FAM13C: variants seen among roughly 807,000 people sequenced by gnomAD.
The protein encoded by FAM13C is family with sequence similarity 13 member C, also known as protein FAM13C.
Under a neutral mutation model 73.2 loss-of-function variants are expected in FAM13C, and 37 were observed. The observed-to-expected ratio is 0.51, with a 90% CI of 0.39 to 0.67. The LOEUF (loss-of-function observed/expected upper bound fraction) is 0.67. Among genes scored for constraint, FAM13C ranks in the 30% least tolerant of loss-of-function variants. The pLI, the probability that FAM13C is intolerant of heterozygous loss-of-function variation, is 0.00. For synonymous variants in FAM13C, 246 were observed against 260.9 expected, an observed-to-expected ratio of 0.94 and a Z score of 0.55; for missense variants, 589 against 715.6, an observed-to-expected ratio of 0.82 and a Z score of 2.02.
rs528649412 is a variant in FAM13C at position 59,333,253 on chromosome 10, G to A, written c.325-9147C>T. On this transcript the variant is annotated intron_variant, in intron 3 of 13. Transcript: ENST00000618804. ...CCTCTTACTTGCACTTTGAGAGGCC[G>A]AGGCATGCAGATCACCTGAGTTCAG... Among the ~76,000 whole-genome samples the A allele has an allele frequency of 1.1e-3, 160 of 152,206 alleles. 1 individual carries two copies. The highest frequency in any genetic ancestry group is 1.3e-3 in the Non-Finnish European group (91 of 68,006).
intron 6 of FAM13C, 77 bp from the exon 7 acceptor site, chr10:59,270,186 A>G (rs1333885109): frequency 7.2e-7 from 1 of 1,396,686 alleles, no homozygotes; most frequent in Non-Finnish European, 9.9e-7. Flanking sequence ...AATAAAGATC[A>G]TAAGCATTCA....
chr10:59,315,230 G>A (rs1042079227), intron 4 of FAM13C, among the ~76,000 whole-genome samples: 7 of 152,224 alleles, frequency 4.6e-5, no homozygotes, highest in African/African-American at 1.7e-4. Context: ...TTAATCACCT[G>A]TAATTCATCT....
rs193074671 is a variant in FAM13C, at chr10:59,271,276, C to A, written c.593-1167G>T. ...GCTTGTCCAAAATAAACACTTATCA[C>A]AATTTGGTACCAGATGAATCTTAAT... On this transcript the variant is annotated intron_variant, in intron 6 of 13. Transcript: ENST00000618804. 1.2e-4 allele frequency among the ~76,000 whole-genome samples: 19 copies of A among 152,342 alleles called. No individual in the cohort carries two copies. In the East Asian group the frequency reaches 3.5e-3, roughly 28 times the overall value.
intron 8 of FAM13C, among the ~76,000 whole-genome samples, chr10:59,264,557 G>C (rs1366305615): frequency 6.6e-6 from 1 of 152,196 alleles, no homozygotes. Context: ...TAGCACTGCA[G>C]ATGACTGCAC....
chr10:59,340,526 C>T (rs1467242158), intron 3 of FAM13C, among the ~76,000 whole-genome samples: 1 of 152,080 alleles, frequency 6.6e-6, no homozygotes, highest in Non-Finnish European at 1.5e-5. Context: ...ACACCCAGAC[C>T]CTTGTTCCTT....
At chr10:59,252,492 TATC>T (rs1197035389) in intron 12 of FAM13C, among the ~76,000 whole-genome samples, 1 of 152,004 alleles carries the variant, frequency 6.6e-6, no homozygotes, top group Non-Finnish European at 1.5e-5. Context: ...AAGGCCAAAT[TATC>T]ATGAGGAATG....
At chr10:59,361,179 G>T in intron 1 of FAM13C, 2 of 1,046,082 alleles carry the variant, frequency 1.9e-6, no homozygotes, top group Non-Finnish European at 1.3e-6. Context: ...GTCCAAATGA[G>T]TATTTTACAT....
intron 4 of FAM13C, among the ~76,000 whole-genome samples, chr10:59,310,390 C>A (rs993254507): frequency 6.6e-6 from 1 of 152,238 alleles, no homozygotes; most frequent in African/African-American, 2.4e-5. Context: ...CAGACACAGA[C>A]AAGATGCCAA....
chr10:59,292,472 G>A (rs1846372911), intron 5 of FAM13C, among the ~76,000 whole-genome samples: 1 of 152,230 alleles, frequency 6.6e-6, no homozygotes, highest in Non-Finnish European at 1.5e-5. Flanking sequence ...CTGTGTCACA[G>A]GGCAAACCAC....
chr10:59,268,806 A>G (rs1843376297), intron 7 of FAM13C, 115 bp from the exon 8 acceptor site: 1 of 1,283,102 alleles, frequency 7.8e-7, no homozygotes, highest in Non-Finnish European at 1.0e-6. Context: ...AGGGAAGTTC[A>G]TTATTTGATG....
At chr10:59,305,084 T>C (rs1848111173) in intron 4 of FAM13C, among the ~76,000 whole-genome samples, 1 of 152,154 alleles carries the variant, frequency 6.6e-6, no homozygotes, top group Non-Finnish European at 1.5e-5. Flanking sequence ...TTCTTTTCCT[T>C]ACAAATTATG....
chr10:59,297,518 G>C lies in FAM13C; in HGVS notation c.507+5283C>G, dbSNP rs566780052. On this transcript the variant is annotated intron_variant, in intron 5 of 13. Transcript: ENST00000618804. Reference sequence around the variant, plus strand: ...TGACCTGAATATTATAGGACTCAGCGACTTCCATCTGGGTTGGTTTCTTCC... The same window carrying C: ...TGACCTGAATATTATAGGACTCAGCCACTTCCATCTGGGTTGGTTTCTTCC... Among the ~76,000 whole-genome samples the C allele has an allele frequency of 1.6e-4, 24 of 152,114 alleles. No individual in the cohort carries two copies. In the South Asian group the frequency reaches 4.8e-3, roughly 30 times the overall value.
intron 8 of FAM13C, 138 bp downstream of exon 8, chr10:59,268,415 A>T (rs1360046174): frequency 5.9e-6 from 6 of 1,021,592 alleles, no homozygotes; most frequent in Non-Finnish European, 8.6e-6. Context: ...TGAAGACTCT[A>T]TGATAGGTCC....
chr10:59,255,871 G>T (rs1841902529), intron 10 of FAM13C, among the ~76,000 whole-genome samples: 1 of 152,006 alleles, frequency 6.6e-6, no homozygotes, highest in East Asian at 1.9e-4. Context: ...CCAAATAAAG[G>T]ATTCTTGAGG....
At chr10:59,305,389 G>C (rs1175237247) in intron 4 of FAM13C, among the ~76,000 whole-genome samples, 1 of 152,150 alleles carries the variant, frequency 6.6e-6, no homozygotes, top group Non-Finnish European at 1.5e-5. Flanking sequence ...TTAACTTATA[G>C]TTATTATCCT....
rs199522610 is a variant in FAM13C at position 59,352,318 on chromosome 10, G to A, written c.276C>T (p.Pro92=). The A allele has an allele frequency of 6.9e-5, 111 of 1,614,028 alleles. No individual in the cohort carries two copies. In the Middle Eastern group the frequency reaches 1.3e-3, roughly 19 times the overall value. The part of the protein sequence containing the change: ...PSMGNFKSRK[P]KSIFKAESGR... ...CGCTCTCCGCTTTGAAGATGGACTT[G>A]GGCTTCCTGGACTTGAAGTTGCCCA... The change falls in exon 3 of 14, where the codon CCC becomes CCT. Residue 92 remains proline, a synonymous_variant. Transcript: ENST00000618804.
intron 1 of FAM13C, among the ~76,000 whole-genome samples, chr10:59,361,616 ATG>A (rs1856428001): frequency 6.6e-6 from 1 of 150,930 alleles, no homozygotes; most frequent in African/African-American, 2.5e-5. Flanking sequence ...ATATATATAT[ATG>A]TATATATAAA....
chr10:59,277,002 G>A (rs1844388261), intron 6 of FAM13C, among the ~76,000 whole-genome samples: 1 of 152,178 alleles, frequency 6.6e-6, no homozygotes, highest in African/African-American at 2.4e-5. Flanking sequence ...AGGAAGTGCA[G>A]AATGATAAAT....
At chr10:59,343,149 G>A (rs2134190592) in intron 3 of FAM13C, among the ~76,000 whole-genome samples, 1 of 152,280 alleles carries the variant, frequency 6.6e-6, no homozygotes, top group Admixed American at 6.5e-5. Flanking sequence ...AAATAAAATA[G>A]CAAAATTAAT....
Sources: allele counts gnomAD v4.1 joint callset (sites outside exome capture counted in the v4.1 genomes callset), GRCh38; gene constraint gnomAD v4.1.1; transcripts MANE v1.5; gene names NCBI Gene and HGNC (gene_info 2026-07-23, HGNC 2026-07-21).